ARHGAP24: variants seen among roughly 807,000 people sequenced by gnomAD.
ARHGAP24 encodes the protein rho GTPase-activating protein 24.
In ARHGAP24, 50 loss-of-function variants were observed where a neutral mutation model predicts 76.4. The ratio of observed to expected loss-of-function variants is 0.65; its 90% confidence interval spans 0.52 to 0.83. The LOEUF (loss-of-function observed/expected upper bound fraction) is 0.83. ARHGAP24 is among the 40% of genes least tolerant of loss of function. ARHGAP24 has a pLI of 0.00. For missense variants in ARHGAP24, 930 were observed against 914.2 expected (o/e 1.02, Z -0.22); for synonymous variants, 345 against 323.3 (o/e 1.07, Z -0.72).
intron 1 of ARHGAP24, among the ~76,000 whole-genome samples, chr4:85,490,304 A>T (rs986801720): frequency 8.5e-5 from 13 of 152,062 alleles, no homozygotes; most frequent in African/African-American, 3.1e-4. Flanking sequence ...ACCAATGTTG[A>T]CCCATAAATT....
intron 3 of ARHGAP24, chr4:85,722,443 T>G (rs943876826): frequency 5.3e-6 from 1 of 187,532 alleles, no homozygotes; most frequent in Non-Finnish European, 1.1e-5. Context: ...ACTTAATACT[T>G]GTAATACTGA....
At chr4:85,935,834 ATCCT>A (rs1045518193) in intron 4 of ARHGAP24, among the ~76,000 whole-genome samples, 24 of 152,318 alleles carry the variant, frequency 1.6e-4, no homozygotes, top group Admixed American at 1.5e-3. Context: ...CACTTTCTTA[ATCCT>A]TCCTAGCATT....
chr4:85,832,206 A>G (rs764869115), intron 3 of ARHGAP24, among the ~76,000 whole-genome samples: 2 of 152,054 alleles, frequency 1.3e-5, no homozygotes, highest in Non-Finnish European at 2.9e-5. Flanking sequence ...AAGGCTTGGG[A>G]TTAGCTAGTT....
intron 3 of ARHGAP24, among the ~76,000 whole-genome samples, chr4:85,919,763 C>G (rs1297019277): frequency 6.6e-6 from 1 of 152,176 alleles, no homozygotes; most frequent in African/African-American, 2.4e-5. Flanking sequence ...ATTACTAGAC[C>G]TGGAGTGACA....
chr4:85,966,468 G>A (rs1242100174), intron 5 of ARHGAP24, among the ~76,000 whole-genome samples: 1 of 152,188 alleles, frequency 6.6e-6, no homozygotes, highest in African/African-American at 2.4e-5. Flanking sequence ...TTATGTAACT[G>A]TGCAATAAGC....
chr4:85,804,210 G>A (rs1013994629), intron 3 of ARHGAP24, among the ~76,000 whole-genome samples: 2 of 152,070 alleles, frequency 1.3e-5, no homozygotes, highest in Admixed American at 6.6e-5. Context: ...TCATTATAAT[G>A]AGCAGTATAA....
intron 3 of ARHGAP24, among the ~76,000 whole-genome samples, chr4:85,886,116 GA>G (rs768614334): frequency 1.3e-5 from 2 of 152,062 alleles, no homozygotes; most frequent in Non-Finnish European, 2.9e-5. Context: ...GGAAATGACT[GA>G]ACTCAAAAGT....
intron 3 of ARHGAP24, among the ~76,000 whole-genome samples, chr4:85,840,545 A>G (rs1442959984): frequency 1.3e-5 from 2 of 152,100 alleles, no homozygotes; most frequent in Non-Finnish European, 2.9e-5. Flanking sequence ...GTTTCATATA[A>G]TTTGTCTGTC....
chr4:85,517,948 G>A (rs922719749), intron 1 of ARHGAP24, among the ~76,000 whole-genome samples: 3 of 152,106 alleles, frequency 2.0e-5, no homozygotes, highest in African/African-American at 4.8e-5. Flanking sequence ...GGCAGAAGGG[G>A]TGTCACAGGC....
At position 85,654,316 on chromosome 4, in the gene ARHGAP24, G is replaced by A. The variant is rs147523771; in HGVS notation, c.181-67569G>A. Among the ~76,000 whole-genome samples, 14 of 152,134 alleles carry A rather than the reference G, an allele frequency of 9.2e-5. No homozygotes were observed. The East Asian group carries it at 2.3e-3, about 25-fold the overall frequency. Reference sequence around the variant, plus strand: ...GAGGACCCAGTCCATTTGGATTTGGGTCCTACCCTTATGACTCTATGCAAC... The same window carrying A: ...GAGGACCCAGTCCATTTGGATTTGGATCCTACCCTTATGACTCTATGCAAC... On this transcript the variant is annotated intron_variant, in intron 2 of 9. Coordinates refer to ENST00000395184, the MANE Select transcript of ARHGAP24 (RefSeq NM_001025616.3).
At chr4:85,512,577 G>T (rs570520158) in intron 1 of ARHGAP24, among the ~76,000 whole-genome samples, 53 of 152,204 alleles carry the variant, frequency 3.5e-4, no homozygotes, top group African/African-American at 1.1e-3. Flanking sequence ...ATACTGAATC[G>T]ACCAGGTCTT....
chr4:85,817,244 C>T (rs1729279302), intron 3 of ARHGAP24, among the ~76,000 whole-genome samples: 1 of 152,124 alleles, frequency 6.6e-6, no homozygotes, highest in Non-Finnish European at 1.5e-5. Context: ...TCATTTGCTA[C>T]AGGGAAACTT....
At chr4:85,646,455 T>C (rs1721725633) in intron 2 of ARHGAP24, among the ~76,000 whole-genome samples, 1 of 151,718 alleles carries the variant, frequency 6.6e-6, no homozygotes, top group Non-Finnish European at 1.5e-5. Flanking sequence ...TAGTTCAATT[T>C]CCCATTCTTT....
chr4:85,538,942 T>A (rs149133816), intron 1 of ARHGAP24, among the ~76,000 whole-genome samples: 249 of 152,318 alleles, frequency 1.6e-3, no homozygotes, highest in Non-Finnish European at 3.0e-3. Flanking sequence ...GACATTTGGG[T>A]CCTGATGGAT....
chr4:85,657,065 A>G (rs888649841), intron 2 of ARHGAP24, among the ~76,000 whole-genome samples: 1 of 152,220 alleles, frequency 6.6e-6, no homozygotes, highest in Admixed American at 6.5e-5. Context: ...ACAATTTTCT[A>G]TTGACTGAAA....
At chr4:85,831,434 T>C (rs1729988010) in intron 3 of ARHGAP24, among the ~76,000 whole-genome samples, 1 of 152,208 alleles carries the variant, frequency 6.6e-6, no homozygotes, top group Non-Finnish European at 1.5e-5. Context: ...AGAGAGACTT[T>C]TACATTTTAA....
chr4:85,925,499 A>T (rs185513936), intron 4 of ARHGAP24, among the ~76,000 whole-genome samples: 15 of 152,358 alleles, frequency 9.8e-5, no homozygotes, highest in African/African-American at 3.6e-4. Flanking sequence ...GATTTAAGAA[A>T]AAAAAAGTTG....
chr4:85,959,806 A>G (rs1738138746), intron 5 of ARHGAP24, among the ~76,000 whole-genome samples: 2 of 152,196 alleles, frequency 1.3e-5, no homozygotes, highest in South Asian at 4.1e-4. Flanking sequence ...TGATATTTCC[A>G]ACAGCAATGT....
intron 1 of ARHGAP24, among the ~76,000 whole-genome samples, chr4:85,498,827 A>G (rs1007528131): frequency 1.3e-5 from 2 of 152,238 alleles, no homozygotes; most frequent in Non-Finnish European, 2.9e-5. Context: ...GCTGTTAATA[A>G]TCAGTAAGCA....
Sources: gnomAD v4.1 joint callset for allele counts (sites outside exome capture counted in the v4.1 genomes callset) on GRCh38, gnomAD v4.1.1 for gene constraint, MANE v1.5 for transcripts, NCBI Gene and HGNC (gene_info 2026-07-23, HGNC 2026-07-21) for gene names.